GALNT13: variants seen among roughly 807,000 people sequenced by gnomAD.
GALNT13 encodes the protein polypeptide N-acetylgalactosaminyltransferase 13.
Under a neutral mutation model 64.2 loss-of-function variants are expected in GALNT13, and 28 were observed. That is an observed-to-expected ratio of 0.44 (90% CI 0.32 to 0.60). The LOEUF (loss-of-function observed/expected upper bound fraction) is 0.60, where lower values mean the gene tolerates loss of function less well. Ranked by LOEUF, GALNT13 falls within the 20% of genes least tolerant of loss-of-function variation. The probability of loss-of-function intolerance (pLI) is 0.05; values close to 1 mark genes in which losing one functional copy is unlikely to be tolerated. For missense variants in GALNT13, 577 were observed against 669.8 expected (o/e 0.86, Z 1.53); for synonymous variants, 214 against 224.6 (o/e 0.95, Z 0.42).
Position 154,375,397 on chromosome 2 carries a change from A to C in GALNT13, c.1157-20594A>C, listed in dbSNP as rs76476118. On this transcript the variant is annotated intron_variant, in intron 9 of 12. Transcript: ENST00000392825. ...AAACACAGTAAGTCTTCACTTTAGCATCACCCTCCGGAAAAACCCTGGGCT... is the reference window on the plus strand; with the variant it reads ...AAACACAGTAAGTCTTCACTTTAGCCTCACCCTCCGGAAAAACCCTGGGCT... Among the ~76,000 whole-genome samples the C allele has an allele frequency of 8.2e-3, 1,253 of 152,264 alleles. 17 individuals carry two copies. The highest frequency in any genetic ancestry group is 0.029 in the African/African-American group (1,187 of 41,538).
chr2:153,881,115 T>C (rs1160931120), intron 1 of GALNT13, among the ~76,000 whole-genome samples: 1 of 152,230 alleles, frequency 6.6e-6, no homozygotes, highest in African/African-American at 2.4e-5. Context: ...TACCTTTGTC[T>C]ACTTTTAGAG....
chr2:154,117,130 A>G lies in GALNT13; in HGVS notation c.143-23207A>G, dbSNP rs138703280. Among the ~76,000 whole-genome samples, 590 of 151,916 alleles carry G rather than the reference A, an allele frequency of 3.9e-3. 2 individuals carry two copies. Among genetic ancestry groups the G allele is most frequent in the African/African-American group, 0.014 (561 of 41,432 alleles). On this transcript the variant is annotated intron_variant, in intron 3 of 12. Transcript: ENST00000392825. ...TCTGCCTGCTTTATATTCTAGCCAC[A>G]CTGGCAACTGATTAGATGGCACCCA...
the GALNT13 span, among the ~76,000 whole-genome samples, chr2:153,426,179 T>G: frequency 9.2e-5 from 14 of 152,028 alleles, no homozygotes; most frequent in South Asian, 2.9e-3. Context: ...TAGTCTTTGT[T>G]GCCATTAATC....
intron 1 of GALNT13, among the ~76,000 whole-genome samples, chr2:153,888,493 G>A (rs1408943254): frequency 6.6e-6 from 1 of 151,840 alleles, no homozygotes; most frequent in Non-Finnish European, 1.5e-5. Context: ...TAGAACTTTT[G>A]CCATGTGATT....
chr2:154,080,604 GCCACCC>G (rs764650578), intron 3 of GALNT13, among the ~76,000 whole-genome samples: 9 of 151,320 alleles, frequency 5.9e-5, no homozygotes, highest in Non-Finnish European at 1.2e-4. Context: ...TTTCTAAATT[GCCACCC>G]TCCTTAGATT....
At chr2:153,268,022 C>T in the GALNT13 span, among the ~76,000 whole-genome samples, 1 of 152,238 alleles carries the variant, frequency 6.6e-6, no homozygotes, top group Admixed American at 6.5e-5. Flanking sequence ...CCAAACCATC[C>T]ACTGCTGGCC....
intron 2 of GALNT13, among the ~76,000 whole-genome samples, chr2:153,914,984 A>G (rs1689231548): frequency 6.6e-6 from 1 of 152,054 alleles, no homozygotes; most frequent in Non-Finnish European, 1.5e-5. Flanking sequence ...CCTTAGATGT[A>G]TGGCTCTTAC....
the GALNT13 span, among the ~76,000 whole-genome samples, chr2:153,282,067 A>G: frequency 6.6e-6 from 1 of 152,022 alleles, no homozygotes; most frequent in Non-Finnish European, 1.5e-5. Flanking sequence ...CACTTTACAT[A>G]ATCCTATATT....
upstream of GALNT13, among the ~76,000 whole-genome samples, chr2:153,870,907 A>G (rs1208408248): frequency 1.3e-5 from 2 of 151,972 alleles, no homozygotes; most frequent in Non-Finnish European, 2.9e-5. Context: ...AAGACAACTG[A>G]CACCCGAAGG....
chr2:154,349,209 G>C (rs1696247583), intron 9 of GALNT13, among the ~76,000 whole-genome samples: 1 of 152,076 alleles, frequency 6.6e-6, no homozygotes, highest in Non-Finnish European at 1.5e-5. Context: ...ATCTACATTT[G>C]ATTATCATCA....
At chr2:153,335,907 G>T in the GALNT13 span, among the ~76,000 whole-genome samples, 9 of 152,324 alleles carry the variant, frequency 5.9e-5, no homozygotes, top group Admixed American at 5.9e-4. Context: ...GCTGTATGCA[G>T]CCTAGGGACT....
At chr2:153,316,634 C>A in the GALNT13 span, among the ~76,000 whole-genome samples, 349 of 41,804 alleles carry the variant, frequency 8.3e-3, 11 homozygotes, top group East Asian at 0.092. Flanking sequence ...AGCGAGACTC[C>A]GTCTCAAAAA....
At chr2:154,329,728 C>G (rs1313558772) in intron 9 of GALNT13, among the ~76,000 whole-genome samples, 1 of 151,880 alleles carries the variant, frequency 6.6e-6, no homozygotes, top group African/African-American at 2.4e-5. Flanking sequence ...AAATGTCCTT[C>G]CTAGGGGAGG....
At chr2:153,764,202 A>G in the GALNT13 span, among the ~76,000 whole-genome samples, 1 of 152,094 alleles carries the variant, frequency 6.6e-6, no homozygotes, top group Non-Finnish European at 1.5e-5. Flanking sequence ...GAGATGATTT[A>G]GGGTATCTGG....
the GALNT13 span, among the ~76,000 whole-genome samples, chr2:153,498,465 A>T: frequency 6.6e-6 from 1 of 152,332 alleles, no homozygotes; most frequent in Non-Finnish European, 1.5e-5. Flanking sequence ...TAGGCGAGTG[A>T]GCACGGGGTC....
the GALNT13 span, among the ~76,000 whole-genome samples, chr2:153,620,179 A>G: frequency 6.6e-6 from 1 of 152,028 alleles, no homozygotes; most frequent in East Asian, 1.9e-4. Context: ...ACTGGAGTGC[A>G]GTGGCATGAT....
intron 11 of GALNT13, among the ~76,000 whole-genome samples, chr2:154,434,288 C>A (rs1188214955): frequency 6.6e-6 from 1 of 152,140 alleles, no homozygotes; most frequent in Non-Finnish European, 1.5e-5. Context: ...TTAGAGGAGT[C>A]TCGCTCTGTA....
At chr2:153,190,666 A>T in the GALNT13 span, among the ~76,000 whole-genome samples, 2 of 151,950 alleles carry the variant, frequency 1.3e-5, no homozygotes, top group Non-Finnish European at 2.9e-5. Context: ...GGTTGATTTG[A>T]GTTATATGGT....
chr2:153,849,372 T>C, the GALNT13 span, among the ~76,000 whole-genome samples: 7 of 152,192 alleles, frequency 4.6e-5, no homozygotes, highest in African/African-American at 1.7e-4. Context: ...CTTTTGTACC[T>C]CTAATACTCG....
Sources: allele counts gnomAD v4.1 joint callset (sites outside exome capture counted in the v4.1 genomes callset), GRCh38; gene constraint gnomAD v4.1.1; transcripts MANE v1.5; gene names NCBI Gene and HGNC (gene_info 2026-07-23, HGNC 2026-07-21).